The following GPC3 variants were observed in gnomAD, a reference collection of about 807,000 sequenced individuals.
GPC3 encodes the protein glypican-3.
Under a neutral mutation model 34.4 loss-of-function variants are expected in GPC3, and 3 were observed. That is an observed-to-expected ratio of 0.09 (90% CI 0.04 to 0.23). The LOEUF is 0.23. GPC3 is among the 10% of genes least tolerant of loss of function. The probability of loss-of-function intolerance (pLI) is 1.00; values close to 1 mark genes in which losing one functional copy is unlikely to be tolerated. For missense variants in GPC3, 351 were observed against 445.6 expected (o/e 0.79, Z 1.91); for synonymous variants, 177 against 174.0 (o/e 1.02, Z -0.13).
In GPC3 at chrX:133,627,901, G is replaced by C. The variant is rs915584212; in HGVS notation, c.1414-31302C>G. 8.0e-5 allele frequency among the ~76,000 whole-genome samples: 9 copies of C among 112,105 alleles called. No homozygotes were observed. In the Admixed American group the frequency reaches 8.5e-4, roughly 11 times the overall value. The stretch of plus-strand genomic sequence containing the variant: ...ATAGGAATATAATGTTTACTGCCAA[G>C]TACTGCATTTACCAAGTCATTAATT... On this transcript the variant is annotated intron_variant, in intron 6 of 7. Coordinates refer to ENST00000370818, the MANE Select transcript of GPC3 (RefSeq NM_004484.4).
chrX:133,887,291 C>T (rs1197455253), intron 2 of GPC3, among the ~76,000 whole-genome samples: 1 of 112,637 alleles, frequency 8.9e-6, no homozygotes, highest in Non-Finnish European at 1.9e-5. Flanking sequence ...TTCCCACCAA[C>T]AGTATATAGA....
chrX:133,836,981 T>A (rs1201151377), intron 2 of GPC3, among the ~76,000 whole-genome samples: 9 of 111,982 alleles, frequency 8.0e-5, no homozygotes, highest in Non-Finnish European at 1.5e-4. Flanking sequence ...ACAGAGACAG[T>A]GTCTTACTCT....
At chrX:133,667,401 A>G in intron 5 of GPC3, among the ~76,000 whole-genome samples, 1 of 111,860 alleles carries the variant, frequency 8.9e-6, no homozygotes, top group Admixed American at 9.5e-5. Context: ...TCCTGTTAAT[A>G]AGAGTTATGT....
rs139467601 is a variant in GPC3, at chrX:133,693,403, T to C, written c.1167-909A>G. Among the ~76,000 whole-genome samples, 544 of 111,700 alleles carry C rather than the reference T, an allele frequency of 4.9e-3. 3 individuals are homozygous for C. Among genetic ancestry groups the C allele is most frequent in the African/African-American group, 0.017 (524 of 30,776 alleles). ...AAGAAATATTAAAATATCTATGTAA[T>C]AGATGTACAGTGGTAAATAAACAAA... On this transcript the variant is annotated intron_variant, in intron 4 of 7. Transcript: ENST00000370818.
intron 1 of GPC3, among the ~76,000 whole-genome samples, chrX:133,965,032 C>T (rs1165019385): frequency 9.0e-6 from 1 of 111,435 alleles, no homozygotes; most frequent in African/African-American, 3.3e-5. Flanking sequence ...AGGAAGCGCA[C>T]TGACATTTCT....
chrX:133,690,608 G>GC (rs1299238401), intron 5 of GPC3, among the ~76,000 whole-genome samples: 1 of 111,869 alleles, frequency 8.9e-6, no homozygotes, highest in Non-Finnish European at 1.9e-5. Flanking sequence ...CAGCTAACTT[G>GC]CCTTTTTCGC....
intron 5 of GPC3, among the ~76,000 whole-genome samples, chrX:133,682,095 C>T (rs1404410964): frequency 1.8e-5 from 2 of 111,421 alleles, no homozygotes; most frequent in African/African-American, 6.5e-5. Flanking sequence ...TCACTCAAAA[C>T]ACTTCTTGCT....
chrX:133,807,438 T>C (rs1377790691), intron 2 of GPC3, among the ~76,000 whole-genome samples: 1 of 111,936 alleles, frequency 8.9e-6, no homozygotes, highest in Non-Finnish European at 1.9e-5. Flanking sequence ...GTCTCAGGTA[T>C]TCCTTTATAG....
At chrX:133,849,420 G>C (rs2075862563) in intron 2 of GPC3, among the ~76,000 whole-genome samples, 1 of 111,547 alleles carries the variant, frequency 9.0e-6, no homozygotes, top group African/African-American at 3.3e-5. Flanking sequence ...AAATTTTATA[G>C]ACTATGGAGG....
intron 5 of GPC3, among the ~76,000 whole-genome samples, chrX:133,666,247 C>A (rs987673558): frequency 2.7e-5 from 3 of 111,951 alleles, no homozygotes; most frequent in African/African-American, 9.7e-5. Context: ...CTAAACACTG[C>A]TCCCTGATCC....
At chrX:133,547,647 C>CATT (rs754505297) in intron 7 of GPC3, among the ~76,000 whole-genome samples, 40 of 110,242 alleles carry the variant, frequency 3.6e-4, no homozygotes, top group South Asian at 7.8e-4. Flanking sequence ...TCTGAGGCTG[C>CATT]ATTATTATTA....
At chrX:133,555,430 C>T (rs952655446) in intron 7 of GPC3, among the ~76,000 whole-genome samples, 21 of 112,626 alleles carry the variant, frequency 1.9e-4, no homozygotes, top group Non-Finnish European at 2.8e-4. Context: ...TTCTGTTTAT[C>T]GCTGAGGATT....
chrX:133,791,370 GA>G (rs943944866), intron 2 of GPC3, among the ~76,000 whole-genome samples: 5 of 111,470 alleles, frequency 4.5e-5, no homozygotes, highest in African/African-American at 1.6e-4. Context: ...GGTAGATGCC[GA>G]CTTTCTGCGC....
intron 3 of GPC3, among the ~76,000 whole-genome samples, chrX:133,751,080 A>C (rs1444663895): frequency 3.1e-5 from 3 of 97,490 alleles, no homozygotes; most frequent in African/African-American, 1.2e-4. Context: ...CTCAAAAATA[A>C]ATAAATAAAT....
intron 7 of GPC3, among the ~76,000 whole-genome samples, chrX:133,593,511 A>T (rs962935761): frequency 1.4e-4 from 15 of 109,226 alleles, no homozygotes; most frequent in Non-Finnish European, 2.9e-4. Context: ...CCAGAAGGGT[A>T]GTTGAGGCTA....
chrX:133,677,418 T>C (rs1246708303), intron 5 of GPC3, among the ~76,000 whole-genome samples: 1 of 112,165 alleles, frequency 8.9e-6, no homozygotes, highest in Non-Finnish European at 1.9e-5. Context: ...TAGGATCTCA[T>C]AGCCTGTTAT....
chrX:133,549,099 C>T (rs1417809498), intron 7 of GPC3, among the ~76,000 whole-genome samples: 1 of 111,562 alleles, frequency 9.0e-6, no homozygotes, highest in Non-Finnish European at 1.9e-5. Context: ...CATCCTGGCT[C>T]CATCCTCCTC....
chrX:133,804,832 T>A (rs949562506), intron 2 of GPC3, among the ~76,000 whole-genome samples: 12 of 111,058 alleles, frequency 1.1e-4, no homozygotes, highest in African/African-American at 3.6e-4. Context: ...GTGGTGGTGA[T>A]GGAGGTTAAA....
At chrX:133,555,269 T>G (rs1212636813) in intron 7 of GPC3, among the ~76,000 whole-genome samples, 4 of 111,566 alleles carry the variant, frequency 3.6e-5, no homozygotes, top group African/African-American at 1.3e-4. Flanking sequence ...TTCTGGATGC[T>G]CCTCCTACTT....
Sources: allele counts gnomAD v4.1 joint callset (sites outside exome capture counted in the v4.1 genomes callset), GRCh38; gene constraint gnomAD v4.1.1; transcripts MANE v1.5; gene names NCBI Gene and HGNC (gene_info 2026-07-23, HGNC 2026-07-21).